Variants in UBXN4 observed in about 807,000 individuals in gnomAD.
UBXN4 encodes UBX domain protein 4.
In UBXN4, 35 loss-of-function variants were observed where a neutral mutation model predicts 66.2. The observed-to-expected ratio is 0.53, with a 90% confidence interval of 0.40 to 0.70. The LOEUF is 0.70. Ranked by LOEUF, UBXN4 falls within the 30% of genes least tolerant of loss-of-function variation. The pLI, the probability that UBXN4 is intolerant of heterozygous loss-of-function variation, is 0.00. For missense variants in UBXN4, 533 were observed against 599.8 expected, an observed-to-expected ratio of 0.89 and a Z score of 1.16; for synonymous variants, 203 against 204.5, an observed-to-expected ratio of 0.99 and a Z score of 0.06.
chr2:135,755,963 A>C (rs1559539341), intron 5 of UBXN4, among the ~76,000 whole-genome samples: 2 of 152,222 alleles, frequency 1.3e-5, no homozygotes, highest in Non-Finnish European at 2.9e-5. Flanking sequence ...GAATGTCATG[A>C]CACTGAGCAG....
At chr2:135,769,378 T>C (rs1291652709) in intron 6 of UBXN4, among the ~76,000 whole-genome samples, 1 of 150,306 alleles carries the variant, frequency 6.7e-6, no homozygotes, top group African/African-American at 2.4e-5. Context: ...TTGCTGGCCT[T>C]AAGTTTTTAT....
chr2:135,745,622 T>C (rs1169818242), intron 1 of UBXN4, among the ~76,000 whole-genome samples: 1 of 152,212 alleles, frequency 6.6e-6, no homozygotes, highest in Non-Finnish European at 1.5e-5. Flanking sequence ...AAAGGATTTC[T>C]CATTCTTCAC....
chr2:135,764,382 G>T (rs1314878049), intron 6 of UBXN4, among the ~76,000 whole-genome samples: 1 of 152,054 alleles, frequency 6.6e-6, no homozygotes, highest in Non-Finnish European at 1.5e-5. Flanking sequence ...TTGTACATAA[G>T]AACATAGTCC....
chr2:135,761,902 G>A lies in UBXN4; in HGVS notation c.593G>A (p.Arg198Gln), dbSNP rs561544161. Reference sequence around the variant, plus strand: ...AGACCTGCAGAGGACCTCAACATCCGAGTGGAAAGGTTTGCTCTTCTTTTT... The same window carrying A: ...AGACCTGCAGAGGACCTCAACATCCAAGTGGAAAGGTTTGCTCTTCTTTTT... Reference protein sequence around the residue: ...DQRPAEDLNIRVERLTKKLEE... With the variant: ...DQRPAEDLNIQVERLTKKLEE... Residue 198 changes from arginine (R) to glutamine (Q), a missense_variant, in exon 6 of 13, where the codon CGA (arginine) becomes CAA (glutamine). Physicochemically the swap from Arg to Gln is conservative, Grantham distance 43. Around this residue, in one of 2 missense-constraint regions of UBXN4, gnomAD observed 529 missense variants for 580.1 expected, o/e 0.91. Coordinates refer to ENST00000272638, the MANE Select transcript of UBXN4 (RefSeq NM_014607.4). The A allele has an allele frequency of 1.6e-5, 26 of 1,610,942 alleles. No individual in the cohort carries two copies. In the Admixed American group the frequency reaches 2.9e-4, roughly 18 times the overall value.
intron 8 of UBXN4, among the ~76,000 whole-genome samples, chr2:135,771,538 G>C (rs2077383692): frequency 6.6e-6 from 1 of 152,152 alleles, no homozygotes; most frequent in Non-Finnish European, 1.5e-5. Flanking sequence ...CATTTGGTCA[G>C]TCAACAAGTA....
intron 9 of UBXN4, 75 bp downstream of exon 9, chr2:135,772,622 C>G: frequency 3.2e-6 from 5 of 1,567,728 alleles, no homozygotes; most frequent in Non-Finnish European, 4.4e-6. Context: ...GTTTTTAACA[C>G]TGATGTATAC....
rs1447359769 is a variant in UBXN4 at position 135,765,255 on chromosome 2, G to A, written c.602+3344G>A. Among the ~76,000 whole-genome samples the A allele has an allele frequency of 5.3e-5, 8 of 150,888 alleles. No homozygotes were observed. In the East Asian group the frequency reaches 5.9e-4, roughly 11 times the overall value. ...ATGGAGTTTTGCTCTTGTCGCCCAA[G>A]CTGGGGTGCAATGGCACAATCTCGG... On this transcript the variant is annotated intron_variant, in intron 6 of 12. Coordinates refer to ENST00000272638, the MANE Select transcript of UBXN4 (RefSeq NM_014607.4).
At chr2:135,759,195 A>AC (rs1480411611) in intron 5 of UBXN4, among the ~76,000 whole-genome samples, 19 of 152,310 alleles carry the variant, frequency 1.2e-4, no homozygotes, top group African/African-American at 4.6e-4. Flanking sequence ...TCCCTATATG[A>AC]CCACCCTTCC....
intron 2 of UBXN4, among the ~76,000 whole-genome samples, chr2:135,749,612 T>G (rs1309722213): frequency 6.6e-6 from 1 of 152,194 alleles, no homozygotes; most frequent in Non-Finnish European, 1.5e-5. Context: ...TATAAATATT[T>G]TAGTATGTCT....
At chr2:135,779,729 G>A (rs1219403042) in intron 11 of UBXN4, among the ~76,000 whole-genome samples, 1 of 150,698 alleles carries the variant, frequency 6.6e-6, no homozygotes, top group African/African-American at 2.4e-5. Flanking sequence ...TCATTTCACT[G>A]AGAACTACTT....
At chr2:135,755,745 A>C in intron 5 of UBXN4, 54 bp downstream of exon 5, 1 of 1,077,194 alleles carries the variant, frequency 9.3e-7, no homozygotes, top group Non-Finnish European at 1.2e-6. Flanking sequence ...ACTACATTTT[A>C]ATATTTAAAT....
At chr2:135,762,563 T>G (rs949872973) in intron 6 of UBXN4, among the ~76,000 whole-genome samples, 3 of 152,246 alleles carry the variant, frequency 2.0e-5, no homozygotes, top group African/African-American at 4.8e-5. Flanking sequence ...CTTGATATTT[T>G]CTTGTTCACA....
chr2:135,772,820 C>T (rs551095376), intron 9 of UBXN4, among the ~76,000 whole-genome samples: 14 of 152,048 alleles, frequency 9.2e-5, no homozygotes, highest in South Asian at 4.2e-4. Flanking sequence ...GGGCGGATCA[C>T]GAGGTCAGGA....
intron 2 of UBXN4, among the ~76,000 whole-genome samples, chr2:135,750,733 T>G (rs894852258): frequency 2.0e-5 from 3 of 151,744 alleles, no homozygotes; most frequent in African/African-American, 7.3e-5. Context: ...GAAGCACCTT[T>G]GAGAGTTGGC....
intron 11 of UBXN4, among the ~76,000 whole-genome samples, chr2:135,779,293 T>C (rs1392492106): frequency 2.2e-5 from 3 of 138,834 alleles, no homozygotes; most frequent in African/African-American, 8.1e-5. Context: ...GTTTAATTTT[T>C]AACTTTTTTC....
rs746417500 is a variant in UBXN4, at chr2:135,779,059, G to T, written c.1165G>T (p.Ala389Ser). ...KLLDLELAPSASVVLLPAGRP... is the reference protein window; with the variant it reads ...KLLDLELAPSSSVVLLPAGRP... ...ACTGGATTTGGAACTTGCCCCAAGC[G>T]CTTCGGTGGTACTGTTGCCAGTATG... is the stretch of plus-strand genomic sequence containing the variant. The change falls in exon 11 of 13, where the codon GCT becomes TCT. Residue 389 changes from alanine to serine, a missense_variant. Ala to Ser is a moderately conservative substitution (Grantham distance 99). Transcript: ENST00000272638. 2 of 1,612,720 alleles carry T rather than the reference G, an allele frequency of 1.2e-6. No individual in the cohort carries two copies. Among genetic ancestry groups the T allele is most frequent in the African/African-American group, 2.7e-5 (2 of 74,848 alleles).
chr2:135,745,073 T>C (rs961989664), intron 1 of UBXN4, among the ~76,000 whole-genome samples: 50 of 152,224 alleles, frequency 3.3e-4, no homozygotes, highest in Middle Eastern at 3.2e-3. Flanking sequence ...TATCACTGTT[T>C]AGATCCTCCC....
chr2:135,758,229 C>T (rs1321728431), intron 5 of UBXN4, among the ~76,000 whole-genome samples: 1 of 151,930 alleles, frequency 6.6e-6, no homozygotes, highest in African/African-American at 2.4e-5. Context: ...CATGCGCCAC[C>T]ATGCCTGGCT....
intron 5 of UBXN4, among the ~76,000 whole-genome samples, chr2:135,761,519 A>T (rs1003488816): frequency 1.3e-5 from 2 of 152,216 alleles, no homozygotes; most frequent in African/African-American, 2.4e-5. Flanking sequence ...ACTGCTCTAG[A>T]GTGAAGGCTA....
Sources: allele counts gnomAD v4.1 joint callset (sites outside exome capture counted in the v4.1 genomes callset), GRCh38; gene constraint gnomAD v4.1.1; regional missense constraint gnomAD v4.1.1; transcripts MANE v1.5; gene names NCBI Gene and HGNC (gene_info 2026-07-23, HGNC 2026-07-21).